The following CDH18 variants were observed in gnomAD, a reference collection of about 807,000 sequenced individuals.
CDH18 encodes the protein cadherin-18.
A neutral mutation model predicts 67.9 loss-of-function variants in CDH18; 31 were observed. The observed-to-expected ratio is 0.46, with a 90% CI of 0.34 to 0.62. CDH18 has a LOEUF of 0.62. CDH18 is among the 20% of genes least tolerant of loss of function. The pLI is 0.01. For synonymous variants in CDH18, 362 were observed against 347.2 expected (o/e 1.04, Z -0.48); for missense variants, 890 against 975.5 (o/e 0.91, Z 1.17).
At chr5:19,499,783 C>G (rs552995027) in intron 11 of CDH18, among the ~76,000 whole-genome samples, 5 of 152,044 alleles carry the variant, frequency 3.3e-5, no homozygotes, top group Non-Finnish European at 5.9e-5. Context: ...TTATCATGAA[C>G]AACAACATGC....
chr5:19,612,736 C>T, intron 5 of CDH18, 135 bp from the exon 6 acceptor site: 1 of 662,142 alleles, frequency 1.5e-6, no homozygotes, highest in Non-Finnish European at 2.6e-6. Context: ...CTGAGAAAAA[C>T]AATATCTTAC....
At chr5:20,386,571 T>C (rs1032029715) in intron 1 of CDH18, among the ~76,000 whole-genome samples, 3 of 152,152 alleles carry the variant, frequency 2.0e-5, no homozygotes, top group Admixed American at 1.3e-4. Context: ...AACCGAGGCA[T>C]GCATAACTTA....
At chr5:20,458,078 A>G (rs573170848) in intron 1 of CDH18, among the ~76,000 whole-genome samples, 1 of 152,256 alleles carries the variant, frequency 6.6e-6, no homozygotes, top group South Asian at 2.1e-4. Context: ...TTCATATGCT[A>G]TCATAGCCTA....
intron 2 of CDH18, among the ~76,000 whole-genome samples, chr5:20,197,232 G>A (rs28632792): frequency 6.6e-6 from 1 of 151,970 alleles, no homozygotes; most frequent in African/African-American, 2.4e-5. Context: ...GGCTGGTCTC[G>A]AACTCCTGAG....
At chr5:20,538,698 T>C (rs574366913) in intron 1 of CDH18, among the ~76,000 whole-genome samples, 2 of 152,246 alleles carry the variant, frequency 1.3e-5, no homozygotes, top group African/African-American at 4.8e-5. Context: ...ATATTTCATT[T>C]CATTTACTTA....
At chr5:20,550,344 G>A (rs945481430) in intron 1 of CDH18, among the ~76,000 whole-genome samples, 1 of 152,158 alleles carries the variant, frequency 6.6e-6, no homozygotes, top group Non-Finnish European at 1.5e-5. Context: ...TAGAAATAGA[G>A]TTGTGACTAT....
chr5:19,524,795 G>A (rs574894975), intron 9 of CDH18, among the ~76,000 whole-genome samples: 2 of 152,064 alleles, frequency 1.3e-5, no homozygotes, highest in African/African-American at 4.8e-5. Flanking sequence ...GCCCAGGCTG[G>A]AGTGCAGTGG....
At chr5:20,447,857 C>T (rs1316550309) in intron 1 of CDH18, among the ~76,000 whole-genome samples, 1 of 151,944 alleles carries the variant, frequency 6.6e-6, no homozygotes, top group East Asian at 1.9e-4. Flanking sequence ...ATCGAATCTA[C>T]TTTAAGCTTT....
chr5:19,963,837 T>C (rs1797157739), intron 2 of CDH18, among the ~76,000 whole-genome samples: 1 of 151,990 alleles, frequency 6.6e-6, no homozygotes, highest in Non-Finnish European at 1.5e-5. Flanking sequence ...TTAACAATCA[T>C]GATGGAGGGA....
chr5:20,403,979 C>T (rs1746008968), intron 1 of CDH18, among the ~76,000 whole-genome samples: 1 of 152,192 alleles, frequency 6.6e-6, no homozygotes, highest in Admixed American at 6.5e-5. Flanking sequence ...GCTGAATCTT[C>T]TGGATAACTT....
intron 2 of CDH18, among the ~76,000 whole-genome samples, chr5:20,061,268 A>G (rs1742464251): frequency 6.9e-6 from 1 of 145,876 alleles, no homozygotes; most frequent in Admixed American, 7.1e-5. Flanking sequence ...GAACTCCACA[A>G]AAATTATTTA....
At chr5:20,207,785 C>A (rs1000621548) in intron 2 of CDH18, among the ~76,000 whole-genome samples, 1 of 151,890 alleles carries the variant, frequency 6.6e-6, no homozygotes, top group Non-Finnish European at 1.5e-5. Flanking sequence ...AGATTTAATG[C>A]AATAATTATA....
At chr5:19,607,688 T>C (rs1414669913) in intron 6 of CDH18, among the ~76,000 whole-genome samples, 1 of 151,474 alleles carries the variant, frequency 6.6e-6, no homozygotes, top group African/African-American at 2.4e-5. Flanking sequence ...AATTATAATG[T>C]CATTTTAAAC....
At chr5:20,036,068 G>A (rs1045296799) in intron 2 of CDH18, among the ~76,000 whole-genome samples, 3 of 151,894 alleles carry the variant, frequency 2.0e-5, no homozygotes, top group Non-Finnish European at 4.4e-5. Flanking sequence ...AAGTCATTAA[G>A]GCATTTGACA....
intron 3 of CDH18, among the ~76,000 whole-genome samples, chr5:19,766,040 C>T (rs1012811900): frequency 2.0e-5 from 3 of 151,984 alleles, no homozygotes; most frequent in African/African-American, 7.3e-5. Context: ...CCACCACACC[C>T]GGCTATTTTT....
chr5:20,172,442 G>T (rs553007710), intron 2 of CDH18, among the ~76,000 whole-genome samples: 12 of 150,868 alleles, frequency 8.0e-5, no homozygotes, highest in Middle Eastern at 6.8e-3. Context: ...TCCACAAGTC[G>T]CAATTTTGAA....
At chr5:19,994,676 C>A (rs1271433018) in intron 2 of CDH18, among the ~76,000 whole-genome samples, 2 of 108,990 alleles carry the variant, frequency 1.8e-5, no homozygotes, top group African/African-American at 7.1e-5. Flanking sequence ...TCTCAGTCTA[C>A]CAAGTCAAAT....
intron 2 of CDH18, among the ~76,000 whole-genome samples, chr5:19,869,336 T>G (rs564906623): frequency 6.6e-6 from 1 of 152,200 alleles, no homozygotes; most frequent in East Asian, 1.9e-4. Context: ...CCAAACAGAT[T>G]TGGTACACAG....
intron 2 of CDH18, among the ~76,000 whole-genome samples, chr5:20,126,491 C>A (rs1432757190): frequency 2.6e-5 from 4 of 152,120 alleles, no homozygotes; most frequent in African/African-American, 9.7e-5. Context: ...TACTTCATTA[C>A]TGCAAAGGAA....
Sources: gnomAD v4.1 joint callset for allele counts (sites outside exome capture counted in the v4.1 genomes callset) on GRCh38, gnomAD v4.1.1 for gene constraint, MANE v1.5 for transcripts, NCBI Gene and HGNC (gene_info 2026-07-23, HGNC 2026-07-21) for gene names.